Variants in CIT observed in about 807,000 individuals in gnomAD.
CIT encodes citron rho-interacting serine/threonine kinase.
CIT carries 79 observed loss-of-function variants against 272.7 expected under a neutral mutation model. The observed-to-expected ratio is 0.29, with a 90% CI of 0.24 to 0.35. The LOEUF is 0.35. Ranked by LOEUF, CIT falls within the 10% of genes least tolerant of loss-of-function variation. CIT has a pLI of 1.00. For missense variants in CIT, 1,909 were observed against 2,618.3 expected (o/e 0.73, Z 5.91); for synonymous variants, 948 against 995.6 (o/e 0.95, Z 0.90).
intron 3 of CIT, among the ~76,000 whole-genome samples, chr12:119,859,770 T>TA (rs1388487071): frequency 6.6e-6 from 1 of 151,716 alleles, no homozygotes; most frequent in African/African-American, 2.4e-5. Context: ...GCAGAGATCG[T>TA]ACCACTGCAC....
At chr12:119,791,634 G>A (rs886607894) in intron 10 of CIT, among the ~76,000 whole-genome samples, 3 of 152,228 alleles carry the variant, frequency 2.0e-5, no homozygotes, top group African/African-American at 7.2e-5. Flanking sequence ...CCCATGGAGA[G>A]AAAAGGCACT....
intron 20 of CIT, among the ~76,000 whole-genome samples, chr12:119,759,406 G>A (rs1299607446): frequency 6.6e-6 from 1 of 152,228 alleles, no homozygotes; most frequent in Non-Finnish European, 1.5e-5. Context: ...AACACTTTGG[G>A]AGGCCAAGGC....
At chr12:119,803,988 C>CTTT (rs112424246) in intron 9 of CIT, 45 of 181,748 alleles carry the variant, frequency 2.5e-4, no homozygotes, top group Non-Finnish European at 3.1e-4. Context: ...TTATTAACCA[C>CTTT]TTTTTTTTTT....
intron 9 of CIT, among the ~76,000 whole-genome samples, chr12:119,806,137 C>CAAAAAAAAAAAAAA (rs3858711): frequency 1.6e-5 from 1 of 62,656 alleles, no homozygotes; most frequent in Non-Finnish European, 2.7e-5. Flanking sequence ...AACACCATCT[C>CAAAAAAAAAAAAAA]AAAAAAAAAA....
At chr12:119,834,480 G>T (rs960800730) in intron 5 of CIT, among the ~76,000 whole-genome samples, 1 of 152,178 alleles carries the variant, frequency 6.6e-6, no homozygotes, top group African/African-American at 2.4e-5. Context: ...AGGCAAGCTT[G>T]AACAGTTGAA....
At chr12:119,750,748 T>G (rs1384030335) in intron 23 of CIT, among the ~76,000 whole-genome samples, 2 of 147,980 alleles carry the variant, frequency 1.4e-5, no homozygotes, top group South Asian at 2.2e-4. Context: ...TATATATAGA[T>G]ATAGATAGAT....
chr12:119,709,545 C>T (rs79469120), intron 39 of CIT, among the ~76,000 whole-genome samples: 1,750 of 152,266 alleles, frequency 0.011, 36 homozygotes, highest in African/African-American at 0.04. Context: ...GTATGTCAGT[C>T]CCCGGATCCA....
intron 14 of CIT, 27 bp from the exon 15 acceptor site, chr12:119,776,435 G>C: frequency 6.2e-7 from 1 of 1,603,678 alleles, no homozygotes; most frequent in Non-Finnish European, 8.5e-7. Flanking sequence ...ACAACATATT[G>C]GGAAATCTCA....
At chr12:119,726,961 G>C (rs918192661) in intron 28 of CIT, among the ~76,000 whole-genome samples, 1 of 152,148 alleles carries the variant, frequency 6.6e-6, no homozygotes, top group Non-Finnish European at 1.5e-5. Flanking sequence ...ATTACCCAAT[G>C]TTCAAAAACC....
chr12:119,745,484 G>T (rs184001058), intron 23 of CIT, among the ~76,000 whole-genome samples: 8,776 of 137,518 alleles, frequency 0.064, 401 homozygotes, highest in African/African-American at 0.14. Context: ...ACATACAAAA[G>T]TTGAAGGAAT....
chr12:119,813,693 AT>A (rs1377052578), intron 9 of CIT, among the ~76,000 whole-genome samples: 2 of 152,164 alleles, frequency 1.3e-5, no homozygotes, highest in African/African-American at 4.8e-5. Context: ...AAAGGCATTA[AT>A]TTATCTCACT....
Position 119,876,111 on chromosome 12 carries a change from T to C in CIT, c.58A>G (p.Ile20Val), listed in dbSNP as rs776908526. The change falls in exon 2 of 48, where the codon ATT becomes GTT. Residue 20 changes from isoleucine to valine, a missense_variant. Around this residue, in one of 8 missense-constraint regions of CIT, gnomAD observed 529 missense variants for 549.6 expected, o/e 0.96. Coordinates refer to ENST00000392521, the MANE Select transcript of CIT (RefSeq NM_001206999.2). ...TTCAGCCTGGAGGCCCGGCTGGCAA[T>C]GGGTTCAGCAGCACCAGCATCCAAA... is the stretch of plus-strand genomic sequence containing the variant. ...NPLDAGAAEP[I>V]ASRASRLNLF... 1.2e-6 allele frequency: 2 copies of C among 1,613,918 alleles called. No individual in the cohort carries two copies. The highest frequency in any genetic ancestry group is 1.1e-5 in the South Asian group (1 of 91,040).
chr12:119,720,049 G>C (rs994120333), intron 30 of CIT, among the ~76,000 whole-genome samples: 6 of 152,182 alleles, frequency 3.9e-5, no homozygotes, highest in African/African-American at 1.4e-4. Context: ...GACTGGACTA[G>C]ATCACTGTTA....
intron 4 of CIT, among the ~76,000 whole-genome samples, chr12:119,850,479 AGGAAAGGGAAG>A (rs1424823432): frequency 6.7e-6 from 1 of 149,602 alleles, no homozygotes; most frequent in Non-Finnish European, 1.5e-5. Context: ...GGGAAAGGGA[AGGAAAGGGAAG>A]GGAAAGGGAA....
At position 119,720,495 on chromosome 12, in the gene CIT, G is replaced by A. The variant is rs779025630; in HGVS notation, c.3823C>T (p.Pro1275Ser). 5 of 1,606,634 alleles carry A rather than the reference G, an allele frequency of 3.1e-6. No homozygotes were observed. In the East Asian group the frequency reaches 8.9e-5, roughly 29 times the overall value. ...IDFLQAKMDQ[P>S]AKKKKGLFSR... ...TGACTCACCTTTTTCTTTTTAGCAG[G>A]TTGGTCCATTTTGGCTTGCAGAAAA... Residue 1275 changes from proline (P) to serine (S), a missense_variant, in exon 30 of 48, where the codon CCT becomes TCT. Pro to Ser is a moderately conservative substitution (Grantham distance 74). This residue lies in a region of CIT where 780 missense variants were observed against 1,067.2 expected (regional missense o/e 0.73). Transcript: ENST00000392521.
intron 9 of CIT, among the ~76,000 whole-genome samples, chr12:119,805,956 A>G (rs1407531728): frequency 6.6e-6 from 1 of 151,932 alleles, no homozygotes; most frequent in Admixed American, 6.6e-5. Flanking sequence ...CCAACATGGT[A>G]AAACCCCATC....
chr12:119,747,492 G>A (rs1220946486), intron 23 of CIT, among the ~76,000 whole-genome samples: 9 of 149,624 alleles, frequency 6.0e-5, no homozygotes, highest in East Asian at 2.0e-4. Flanking sequence ...AGGCAGAGGC[G>A]GGTGGATCAC....
chr12:119,720,655 A>G, intron 29 of CIT, 70 bp from the exon 30 acceptor site: 1 of 1,176,710 alleles, frequency 8.5e-7, no homozygotes, highest in Non-Finnish European at 1.2e-6. Flanking sequence ...GTACTTTAAG[A>G]AACTAAAAAG....
At chr12:119,777,171 C>G (rs1593702372) in intron 13 of CIT, among the ~76,000 whole-genome samples, 1 of 152,198 alleles carries the variant, frequency 6.6e-6, no homozygotes, top group East Asian at 1.9e-4. Flanking sequence ...AGGAGAATCG[C>G]TTGAACCCAG....
Sources: allele counts gnomAD v4.1 joint callset (sites outside exome capture counted in the v4.1 genomes callset), GRCh38; gene constraint gnomAD v4.1.1; regional missense constraint gnomAD v4.1.1; transcripts MANE v1.5; gene names NCBI Gene and HGNC (gene_info 2026-07-23, HGNC 2026-07-21).